APBB2: variants seen among roughly 807,000 people sequenced by gnomAD.
The protein encoded by APBB2 is Fe65-like 1.
A neutral mutation model predicts 82.5 loss-of-function variants in APBB2; 38 were observed. That is an observed-to-expected ratio of 0.46 (90% CI 0.36 to 0.60). The LOEUF is 0.60. APBB2 is among the 20% of genes least tolerant of loss of function. APBB2 has a pLI of 0.00. For missense variants in APBB2, 772 were observed against 972.3 expected, an observed-to-expected ratio of 0.79 and a Z score of 2.74; for synonymous variants, 341 against 368.2, an observed-to-expected ratio of 0.93 and a Z score of 0.85.
At chr4:41,117,293 TTA>T (rs775778626) in intron 2 of APBB2, among the ~76,000 whole-genome samples, 36 of 128,958 alleles carry the variant, frequency 2.8e-4, no homozygotes, top group Admixed American at 6.9e-4. Context: ...ATTATTATTA[TTA>T]TTTTTTTTTT....
rs1426197514 is a variant in APBB2, at chr4:40,914,381, C to CA, written c.1254+20074dup. Among the ~76,000 whole-genome samples the CA allele has an allele frequency of 4.0e-5, 6 of 151,316 alleles. No homozygotes were observed. In the South Asian group the frequency reaches 8.4e-4, roughly 21 times the overall value. On this transcript the variant is annotated intron_variant, in intron 10 of 17. Transcript: ENST00000508593. ...GAGCGAGACTCCATCTCAAAAAAAT[C>CA]AAAAAAACAAAAAAATAAAAATCAT... is the stretch of plus-strand genomic sequence containing the variant.
intron 1 of APBB2, among the ~76,000 whole-genome samples, chr4:41,187,671 T>G (rs755758340): frequency 1.3e-5 from 2 of 152,224 alleles, no homozygotes; most frequent in Non-Finnish European, 2.9e-5. Flanking sequence ...GACATTTATG[T>G]ACACACATAC....
intron 12 of APBB2, among the ~76,000 whole-genome samples, chr4:40,883,793 G>A (rs1769409969): frequency 6.6e-6 from 1 of 151,780 alleles, no homozygotes; most frequent in African/African-American, 2.4e-5. Context: ...TCCATTCTGA[G>A]TATGTTATTA....
chr4:40,825,650 C>T (rs982268000), intron 15 of APBB2: 14 of 483,626 alleles, frequency 2.9e-5, no homozygotes, highest in Middle Eastern at 5.8e-4. Context: ...AAGAAATCCA[C>T]GTCTGTATTG....
chr4:40,839,633 A>G (rs1755144887), intron 12 of APBB2, among the ~76,000 whole-genome samples: 1 of 152,062 alleles, frequency 6.6e-6, no homozygotes. Flanking sequence ...CTACTTTGAA[A>G]TACTGTCTCC....
At chr4:40,845,182 C>A (rs750324006) in intron 12 of APBB2, among the ~76,000 whole-genome samples, 2 of 152,128 alleles carry the variant, frequency 1.3e-5, no homozygotes, top group Non-Finnish European at 2.9e-5. Context: ...AATAAGACAC[C>A]GCAGAGTGAT....
chr4:41,150,342 T>G (rs1391334666), intron 1 of APBB2, among the ~76,000 whole-genome samples: 3 of 152,136 alleles, frequency 2.0e-5, no homozygotes, highest in Non-Finnish European at 4.4e-5. Context: ...ACTTCCAACT[T>G]AAGATTAGTA....
At chr4:41,059,012 A>T (rs1427473437) in intron 4 of APBB2, among the ~76,000 whole-genome samples, 1 of 152,030 alleles carries the variant, frequency 6.6e-6, no homozygotes, top group Non-Finnish European at 1.5e-5. Context: ...AACATGAGAC[A>T]GGCTTAGTGT....
rs79387551 is a variant in APBB2 at position 41,097,117 on chromosome 4, T to C, written c.-149+3522A>G. ...TTCATCTGAGCTATTTGGAGTTTCTTTGGAGAAAGAAATGCGTAGGTAAAA... is the reference window on the plus strand; with the variant it reads ...TTCATCTGAGCTATTTGGAGTTTCTCTGGAGAAAGAAATGCGTAGGTAAAA... On this transcript the variant is annotated intron_variant, in intron 3 of 17. Transcript: ENST00000508593. Among the ~76,000 whole-genome samples, 1,023 of 152,298 alleles carry C rather than the reference T, an allele frequency of 6.7e-3. 6 individuals are homozygous for C. Among genetic ancestry groups the C allele is most frequent in the Non-Finnish European group, 0.011 (764 of 68,024 alleles).
intron 6 of APBB2, 41 bp downstream of exon 6, chr4:41,013,542 A>AG: frequency 6.4e-7 from 1 of 1,563,140 alleles, no homozygotes; most frequent in East Asian, 2.2e-5. Flanking sequence ...AAGATAAAAA[A>AG]AAAAAAGTGC....
chr4:41,169,787 T>C (rs899773901), intron 1 of APBB2, among the ~76,000 whole-genome samples: 1 of 152,018 alleles, frequency 6.6e-6, no homozygotes, highest in Non-Finnish European at 1.5e-5. Flanking sequence ...TTTATTTTTA[T>C]AGTATTTTAC....
chr4:41,040,637 A>T (rs76407816), intron 4 of APBB2, among the ~76,000 whole-genome samples: 31,743 of 152,146 alleles, frequency 0.21, 3,738 homozygotes, highest in Non-Finnish European at 0.27. Flanking sequence ...CAAAATCATT[A>T]CACCATGTTT....
intron 6 of APBB2, among the ~76,000 whole-genome samples, chr4:40,978,532 T>G (rs1242717309): frequency 6.6e-6 from 1 of 152,164 alleles, no homozygotes; most frequent in Non-Finnish European, 1.5e-5. Flanking sequence ...TATAATTAAA[T>G]TAGTATTTTT....
At chr4:40,990,210 C>A in intron 6 of APBB2, 1 of 152,330 alleles carries the variant, frequency 6.6e-6, no homozygotes, top group Non-Finnish European at 1.5e-5. Flanking sequence ...GGAAGCTAAG[C>A]AGGGTCAGGT....
chr4:40,830,668 C>T (rs185913087), intron 12 of APBB2, 91 bp from the exon 13 acceptor site: 100 of 743,218 alleles, frequency 1.3e-4, no homozygotes, highest in Non-Finnish European at 2.1e-4. Flanking sequence ...TAGCAGCCAG[C>T]GTGTCAATGG....
rs538691528 is a variant in APBB2, at chr4:40,815,948, C to A, written c.*144G>T. The stretch of plus-strand genomic sequence containing the variant: ...GATGGTGGCAAGACGAGAGAACATG[C>A]TTGTCTAACACTGCTTGGTTAAGGG... On this transcript the variant is annotated 3_prime_UTR_variant, in exon 18 of 18. Coordinates refer to ENST00000508593, the MANE Select transcript of APBB2 (RefSeq NM_004307.2). 4.5e-6 allele frequency: 4 copies of A among 888,420 alleles called. No homozygotes were observed. The East Asian group carries it at 9.7e-5, about 22-fold the overall frequency. The allele number at this position is 888,420 out of a possible 1,614,324, so 55.0% of individuals were successfully genotyped here. A position where few individuals can be genotyped will look rare whatever the true frequency, so the allele number is the denominator to read the frequency against.
intron 4 of APBB2, among the ~76,000 whole-genome samples, chr4:41,041,173 C>G (rs1184084916): frequency 6.6e-6 from 1 of 152,164 alleles, no homozygotes; most frequent in Non-Finnish European, 1.5e-5. Flanking sequence ...ATCCACCATG[C>G]CCGGCTACAT....
At chr4:41,001,777 C>G (rs1164053364) in intron 6 of APBB2, among the ~76,000 whole-genome samples, 1 of 151,770 alleles carries the variant, frequency 6.6e-6, no homozygotes, top group Non-Finnish European at 1.5e-5. Context: ...ACTGGGGAGG[C>G]TGAGGCAGAA....
At chr4:40,834,744 C>T (rs1753264249) in intron 12 of APBB2, among the ~76,000 whole-genome samples, 1 of 152,136 alleles carries the variant, frequency 6.6e-6, no homozygotes, top group Non-Finnish European at 1.5e-5. Context: ...GGAATGCAGG[C>T]AGCCTCAAGA....
Sources: gnomAD v4.1 joint callset for allele counts (sites outside exome capture counted in the v4.1 genomes callset) on GRCh38, gnomAD v4.1.1 for gene constraint, MANE v1.5 for transcripts, NCBI Gene and HGNC (gene_info 2026-07-23, HGNC 2026-07-21) for gene names.